Variants in ENPP6 observed in about 807,000 individuals in gnomAD.
ENPP6 encodes the protein glycerophosphocholine cholinephosphodiesterase ENPP6.
ENPP6 carries 32 observed loss-of-function variants against 42.0 expected under a neutral mutation model. The ratio of observed to expected loss-of-function variants is 0.76; its 90% confidence interval spans 0.58 to 1.02. ENPP6 has a LOEUF of 1.02. Among genes scored for constraint, ENPP6 ranks in the 50% least tolerant of loss-of-function variants. The pLI is 0.00. For synonymous variants in ENPP6, 213 were observed against 216.0 expected, an observed-to-expected ratio of 0.99 and a Z score of 0.12; for missense variants, 552 against 566.8, an observed-to-expected ratio of 0.97 and a Z score of 0.27.
At chr4:184,103,318 T>C (rs1736035952) in intron 6 of ENPP6, among the ~76,000 whole-genome samples, 1 of 152,230 alleles carries the variant, frequency 6.6e-6, no homozygotes, top group South Asian at 2.1e-4. Context: ...CCTTTCTCCC[T>C]TGAGGCATCA....
Position 184,130,696 on chromosome 4 carries a change from C to T in ENPP6, c.422-6424G>A, listed in dbSNP as rs1736590897. 2.1e-5 allele frequency among the ~76,000 whole-genome samples: 3 copies of T among 141,438 alleles called. No individual in the cohort carries two copies. The South Asian group carries it at 7.1e-4, about 34-fold the overall frequency. 92.8% of individuals were successfully genotyped at this position (141,438 alleles called of 152,430 possible). A position where few individuals can be genotyped will look rare whatever the true frequency, so the allele number is the denominator to read the frequency against. On this transcript the variant is annotated intron_variant, in intron 2 of 7. Coordinates refer to ENST00000296741, the MANE Select transcript of ENPP6 (RefSeq NM_153343.4). Reference sequence around the variant, plus strand: ...ATCCAGTCTAAACTACATTCTATATCATTTGCAGCAGACAAGTCCTAACTG... The same window carrying T: ...ATCCAGTCTAAACTACATTCTATATTATTTGCAGCAGACAAGTCCTAACTG...
intron 6 of ENPP6, among the ~76,000 whole-genome samples, chr4:184,100,779 G>A (rs1359547338): frequency 1.3e-5 from 2 of 152,210 alleles, no homozygotes; most frequent in Non-Finnish European, 2.9e-5. Flanking sequence ...GAACGTCCCT[G>A]CCAGCATGTG....
intron 4 of ENPP6, 122 bp downstream of exon 4, chr4:184,117,637 C>G: frequency 2.8e-6 from 4 of 1,436,532 alleles, no homozygotes; most frequent in South Asian, 2.6e-5. Context: ...CTCGTCAAAG[C>G]CTGTGCTGGC....
At chr4:184,122,774 A>T (rs934303642) in intron 3 of ENPP6, among the ~76,000 whole-genome samples, 1 of 152,036 alleles carries the variant, frequency 6.6e-6, no homozygotes, top group African/African-American at 2.4e-5. Context: ...CTGTATGACA[A>T]CTCTAACCCG....
chr4:184,214,240 T>TAAAAAAAAAAA (rs1298385002), intron 1 of ENPP6, among the ~76,000 whole-genome samples: 17 of 150,536 alleles, frequency 1.1e-4, no homozygotes, highest in African/African-American at 3.9e-4. Flanking sequence ...TAAAGTATAA[T>TAAAAAAAAAAA]AATAAAAAAA....
At chr4:184,193,189 G>A (rs1732733015) in intron 1 of ENPP6, among the ~76,000 whole-genome samples, 1 of 152,196 alleles carries the variant, frequency 6.6e-6, no homozygotes, top group East Asian at 1.9e-4. Flanking sequence ...GTGCACAAAT[G>A]TTCACAGCAG....
intron 2 of ENPP6, among the ~76,000 whole-genome samples, chr4:184,141,138 T>G (rs112066050): frequency 0.01 from 1,551 of 152,248 alleles, 22 homozygotes; most frequent in South Asian, 0.04. Context: ...GCGTGGGAGC[T>G]TTGTTTCGTT....
intron 1 of ENPP6, among the ~76,000 whole-genome samples, chr4:184,162,560 G>GGAAGA (rs1479860198): frequency 0.027 from 711 of 25,976 alleles, 9 homozygotes; most frequent in Middle Eastern, 0.083. Flanking sequence ...AGGAAGGAAA[G>GGAAGA]AAGGAAGGAA....
intron 1 of ENPP6, among the ~76,000 whole-genome samples, chr4:184,214,945 C>G (rs1244871017): frequency 1.3e-5 from 2 of 152,132 alleles, no homozygotes; most frequent in Non-Finnish European, 2.9e-5. Flanking sequence ...ACATGTATGC[C>G]TCTGTAACAA....
rs555618797 is a variant in ENPP6 at position 184,181,339 on chromosome 4, C to G, written c.242-27606G>C. On this transcript the variant is annotated intron_variant, in intron 1 of 7. Transcript: ENST00000296741. ...GACTTCTTCAAAGAGAACTACAAAC[C>G]ACTGCTCAAGGAAATCAGAGAGGAC... is the stretch of plus-strand genomic sequence containing the variant. Among the ~76,000 whole-genome samples, 319 of 152,264 alleles carry G rather than the reference C, an allele frequency of 2.1e-3. 14 individuals are homozygous for G. The South Asian group carries it at 0.063, about 30-fold the overall frequency.
chr4:184,206,538 G>A (rs1361178203), intron 1 of ENPP6, among the ~76,000 whole-genome samples: 1 of 151,996 alleles, frequency 6.6e-6, no homozygotes, highest in African/African-American at 2.4e-5. Flanking sequence ...TTACAGGCGT[G>A]AGCCACCGCG....
rs150246472 is a variant in ENPP6 at position 184,108,767 on chromosome 4, G to C, written c.993+3905C>G. 4.0e-3 allele frequency among the ~76,000 whole-genome samples: 612 copies of C among 152,330 alleles called. 8 individuals are homozygous for C. The highest frequency in any genetic ancestry group is 0.013 in the African/African-American group (552 of 41,586). ...TCAGTGTCTCTCAGGACTCAGGGAC[G>C]ATTATGAGTTTCCAGAGAGACATTT... On this transcript the variant is annotated intron_variant, in intron 6 of 7. Coordinates refer to ENST00000296741, the MANE Select transcript of ENPP6 (RefSeq NM_153343.4).
chr4:184,144,490 C>T (rs1348432195), intron 2 of ENPP6, among the ~76,000 whole-genome samples: 7 of 152,208 alleles, frequency 4.6e-5, no homozygotes, highest in Non-Finnish European at 1.5e-5. Flanking sequence ...ATTTCCCCAG[C>T]CCTGTGGAAC....
At chr4:184,172,877 C>G (rs1312083977) in intron 1 of ENPP6, among the ~76,000 whole-genome samples, 1 of 152,006 alleles carries the variant, frequency 6.6e-6, no homozygotes, top group Non-Finnish European at 1.5e-5. Flanking sequence ...GTGGGAGGAG[C>G]AACAGAACGA....
chr4:184,181,850 A>G (rs1304468942), intron 1 of ENPP6, among the ~76,000 whole-genome samples: 1 of 152,220 alleles, frequency 6.6e-6, no homozygotes, highest in Non-Finnish European at 1.5e-5. Context: ...ACCTCATACA[A>G]AAATTAACTC....
At chr4:184,176,947 G>A (rs145018628) in intron 1 of ENPP6, among the ~76,000 whole-genome samples, 33 of 152,266 alleles carry the variant, frequency 2.2e-4, no homozygotes, top group East Asian at 3.9e-4. Flanking sequence ...ATCTCACCTC[G>A]TGATTGAGCT....
intron 2 of ENPP6, among the ~76,000 whole-genome samples, chr4:184,145,868 C>A (rs1736909725): frequency 1.3e-5 from 2 of 152,032 alleles, no homozygotes; most frequent in Non-Finnish European, 2.9e-5. Flanking sequence ...AGTGACTGCC[C>A]AAGAATAAAT....
In ENPP6 at chr4:184,153,545, C is replaced by T. The variant is rs368655804; in HGVS notation, c.421+9G>A. On this transcript the variant is annotated intron_variant, in intron 2 of 7. Transcript: ENST00000296741. ...ATTTGAGATTTGGAATGGATGTTCACACACTCACCTGGCCAGTAGTACATG... is the reference window on the plus strand; with the variant it reads ...ATTTGAGATTTGGAATGGATGTTCATACACTCACCTGGCCAGTAGTACATG... 639 of 1,606,286 alleles carry T rather than the reference C, an allele frequency of 4.0e-4. 1 individual carries two copies. The African/African-American group carries it at 7.3e-3, about 18-fold the overall frequency.
chr4:184,154,377 G>A (rs1464249046), intron 1 of ENPP6, among the ~76,000 whole-genome samples: 1 of 152,178 alleles, frequency 6.6e-6, no homozygotes, highest in Non-Finnish European at 1.5e-5. Context: ...CAAACGCTTG[G>A]ACTCTTTTGA....
Sources: gnomAD v4.1 joint callset for allele counts (sites outside exome capture counted in the v4.1 genomes callset) on GRCh38, gnomAD v4.1.1 for gene constraint, MANE v1.5 for transcripts, NCBI Gene and HGNC (gene_info 2026-07-23, HGNC 2026-07-21) for gene names.